SLIT2: variants seen among roughly 807,000 people sequenced by gnomAD.
SLIT2 encodes the protein slit guidance ligand 2, also known as slit homolog 2 protein.
In SLIT2, 41 loss-of-function variants were observed where a neutral mutation model predicts 185.7. The observed-to-expected ratio is 0.22, with a 90% confidence interval of 0.17 to 0.29. The LOEUF (loss-of-function observed/expected upper bound fraction) is 0.29, where lower values mean the gene tolerates loss of function less well. Ranked by LOEUF, SLIT2 falls within the 10% of genes least tolerant of loss-of-function variation. SLIT2 has a pLI of 1.00. For synonymous variants in SLIT2, 693 were observed against 680.2 expected (o/e 1.02, Z -0.29); for missense variants, 1,571 against 1,909.0 (o/e 0.82, Z 3.30).
chr4:20,573,378 T>C (rs567740605), intron 29 of SLIT2: 490 of 688,080 alleles, frequency 7.1e-4, no homozygotes, highest in Non-Finnish European at 1.0e-3. Flanking sequence ...ATATAAAATC[T>C]GAAAACAATA....
At position 20,323,563 on chromosome 4, in the gene SLIT2, G is replaced by C. The variant is rs1282579086; in HGVS notation, c.395+54682G>C. On this transcript the variant is annotated intron_variant, in intron 4 of 36. Transcript: ENST00000504154. ...TTTTTCCCCTGAGATTTTCCACAAG[G>C]GAAGTGGAGGAAGAAAACAGTAGAA... 5.9e-5 allele frequency among the ~76,000 whole-genome samples: 9 copies of C among 152,122 alleles called. No homozygotes were observed. In the East Asian group the frequency reaches 1.4e-3, roughly 23 times the overall value.
chr4:20,472,507 TATAG>T lies in SLIT2; in HGVS notation c.467+4692_467+4695del, dbSNP rs1327424060. Reference sequence around the variant, plus strand: ...ATCTATATATAGATATATATCTATATATAGATAGATATATATCTATATATAGATA... The same window carrying T: ...ATCTATATATAGATATATATCTATATATAGATATATATCTATATATAGATA... On this transcript the variant is annotated intron_variant, in intron 5 of 36. Coordinates refer to ENST00000504154, the MANE Select transcript of SLIT2 (RefSeq NM_004787.4). Among the ~76,000 whole-genome samples, 16 of 22,876 alleles carry T rather than the reference TATAG, an allele frequency of 7.0e-4. 7 individuals are homozygous for T. Among genetic ancestry groups the T allele is most frequent in the Non-Finnish European group, 9.2e-4 (14 of 15,226 alleles). The allele number at this position is 22,876 out of a possible 152,430, so 15.0% of individuals were successfully genotyped here. A position where few individuals can be genotyped will look rare whatever the true frequency, so the allele number is the denominator to read the frequency against.
At chr4:20,598,804 C>A (rs1429416198) in intron 33 of SLIT2, among the ~76,000 whole-genome samples, 5 of 152,140 alleles carry the variant, frequency 3.3e-5, no homozygotes, top group African/African-American at 1.2e-4. Context: ...AAGGAAACAA[C>A]CAGCTTTTGA....
At chr4:20,567,095 A>T (rs1352527636) in intron 26 of SLIT2, among the ~76,000 whole-genome samples, 167 bp from the exon 27 acceptor site, 1 of 152,046 alleles carries the variant, frequency 6.6e-6, no homozygotes, top group African/African-American at 2.4e-5. Context: ...GCATTCTTGA[A>T]CATCATCGGA....
At chr4:20,291,226 C>T (rs1263929295) in intron 4 of SLIT2, among the ~76,000 whole-genome samples, 5 of 151,960 alleles carry the variant, frequency 3.3e-5, no homozygotes, top group East Asian at 1.9e-4. Context: ...ATATCTAAGT[C>T]GTTCCTGGAA....
chr4:20,419,280 T>TATATGTG (rs1727966135), intron 4 of SLIT2, among the ~76,000 whole-genome samples: 1 of 152,204 alleles, frequency 6.6e-6, no homozygotes, highest in Non-Finnish European at 1.5e-5. Flanking sequence ...TCTTATAATT[T>TATATGTG]TTATACATTT....
At chr4:20,279,389 C>A (rs1475723719) in intron 4 of SLIT2, among the ~76,000 whole-genome samples, 1 of 152,192 alleles carries the variant, frequency 6.6e-6, no homozygotes, top group Non-Finnish European at 1.5e-5. Context: ...AAATTCCCAG[C>A]ATTATTTCTG....
At chr4:20,428,431 C>G (rs1425624615) in intron 4 of SLIT2, among the ~76,000 whole-genome samples, 1 of 152,128 alleles carries the variant, frequency 6.6e-6, no homozygotes, top group Non-Finnish European at 1.5e-5. Context: ...TTTTCTTTTC[C>G]TCAAAATGTG....
At chr4:20,478,137 A>G (rs1267602144) in intron 5 of SLIT2, among the ~76,000 whole-genome samples, 1 of 152,048 alleles carries the variant, frequency 6.6e-6, no homozygotes, top group Non-Finnish European at 1.5e-5. Flanking sequence ...TACCAGCACA[A>G]CACTTTATGT....
At chr4:20,403,868 A>G (rs917775280) in intron 4 of SLIT2, among the ~76,000 whole-genome samples, 1 of 150,650 alleles carries the variant, frequency 6.6e-6, no homozygotes, top group African/African-American at 2.4e-5. Flanking sequence ...GAAGACATTG[A>G]AGACAAGTTA....
intron 15 of SLIT2, among the ~76,000 whole-genome samples, chr4:20,526,931 C>T (rs756543810): frequency 2.6e-5 from 4 of 152,178 alleles, no homozygotes; most frequent in Non-Finnish European, 5.9e-5. Context: ...GTACCTGTCA[C>T]TTAGACTTTG....
At chr4:20,493,312 G>A (rs1306268167) in intron 9 of SLIT2, among the ~76,000 whole-genome samples, 1 of 150,724 alleles carries the variant, frequency 6.6e-6, no homozygotes, top group Non-Finnish European at 1.5e-5. Flanking sequence ...ACACTTGATG[G>A]GAAGATATTA....
At chr4:20,532,581 C>A (rs926849381) in intron 17 of SLIT2, among the ~76,000 whole-genome samples, 1 of 152,294 alleles carries the variant, frequency 6.6e-6, no homozygotes, top group East Asian at 1.9e-4. Flanking sequence ...TTACTCCATG[C>A]CCCTGGGGAG....
intron 9 of SLIT2, among the ~76,000 whole-genome samples, chr4:20,509,261 A>G (rs1719489361): frequency 1.3e-5 from 2 of 151,946 alleles, no homozygotes; most frequent in African/African-American, 2.4e-5. Context: ...AGTGAACTCT[A>G]TTTTTCTGTT....
chr4:20,311,668 G>C (rs1718121462), intron 4 of SLIT2, among the ~76,000 whole-genome samples: 1 of 152,142 alleles, frequency 6.6e-6, no homozygotes, highest in African/African-American at 2.4e-5. Flanking sequence ...GATAATAGCT[G>C]TGTGTAACTA....
At position 20,480,561 on chromosome 4, in the gene SLIT2, GA is replaced by G. The variant is rs375029258; in HGVS notation, c.468-153del. ...GATTTCAGTGGCGGCATAGAGGCGA[GA>G]ATGGCTTATGACATTCGTAAGCAGA... On this transcript the variant is annotated intron_variant, in intron 5 of 36. Coordinates refer to ENST00000504154, the MANE Select transcript of SLIT2 (RefSeq NM_004787.4). Among the ~76,000 whole-genome samples the G allele has an allele frequency of 2.5e-3, 382 of 152,278 alleles. 2 individuals are homozygous for G. The highest frequency in any genetic ancestry group is 9.0e-3 in the African/African-American group (375 of 41,564).
intron 9 of SLIT2, among the ~76,000 whole-genome samples, chr4:20,502,542 AAGAG>A (rs1718837672): frequency 2.0e-5 from 3 of 152,140 alleles, no homozygotes; most frequent in Admixed American, 6.5e-5. Flanking sequence ...ACAAAAAACA[AAGAG>A]AGAGGGCTAC....
chr4:20,456,423 C>T (rs965231417), intron 4 of SLIT2, among the ~76,000 whole-genome samples: 1 of 152,022 alleles, frequency 6.6e-6, no homozygotes, highest in African/African-American at 2.4e-5. Flanking sequence ...CATCACTGTC[C>T]CTAAGAGCCA....
chr4:20,380,174 C>T (rs1406597077), intron 4 of SLIT2, among the ~76,000 whole-genome samples: 2 of 152,066 alleles, frequency 1.3e-5, no homozygotes, highest in Non-Finnish European at 2.9e-5. Context: ...AGGTAGAGTC[C>T]TCAGAAAAGT....
Sources: gnomAD v4.1 joint callset for allele counts (sites outside exome capture counted in the v4.1 genomes callset) on GRCh38, gnomAD v4.1.1 for gene constraint, MANE v1.5 for transcripts, NCBI Gene and HGNC (gene_info 2026-07-23, HGNC 2026-07-21) for gene names.